The following CFAP99 variants were observed in gnomAD, a reference collection of about 807,000 sequenced individuals.
The protein encoded by CFAP99 is cilia and flagella associated protein 99, also known as cilia- and flagella-associated protein 99.
In CFAP99, 84 loss-of-function variants were observed where a neutral mutation model predicts 82.7. The observed-to-expected ratio is 1.02, with a 90% CI of 0.85 to 1.22. The LOEUF is 1.22. Among genes scored for constraint, CFAP99 ranks in the 50% most tolerant of loss-of-function variants. CFAP99 has a pLI of 0.00. For synonymous variants in CFAP99, 456 were observed against 429.5 expected, an observed-to-expected ratio of 1.06 and a Z score of -0.76; for missense variants, 1,059 against 983.5, an observed-to-expected ratio of 1.08 and a Z score of -1.03.
chr4:2,432,190 C>T (rs949893765), intron 2 of CFAP99, among the ~76,000 whole-genome samples: 11 of 152,188 alleles, frequency 7.2e-5, no homozygotes, highest in Non-Finnish European at 1.3e-4. Context: ...TAAATGGCTG[C>T]CCTACCTCCA....
intron 11 of CFAP99, 128 bp from the exon 12 acceptor site, chr4:2,458,595 T>G: frequency 8.1e-7 from 1 of 1,241,638 alleles, no homozygotes; most frequent in Non-Finnish European, 1.1e-6. Flanking sequence ...AGACCTGGGT[T>G]CTGGGGTGAT....
chr4:2,437,969 G>C, intron 3 of CFAP99, 101 bp from the exon 4 acceptor site: 1 of 664,154 alleles, frequency 1.5e-6, no homozygotes, highest in Non-Finnish European at 2.7e-6. Context: ...TTTTCCTGTG[G>C]CTGCGTGCCC....
In CFAP99 at chr4:2,462,237, C is replaced by A. The variant is rs908498366; in HGVS notation, c.1662-206C>A. ...AGGGTAGATAGAAGTGCTGGAGACT[C>A]CCCCAACCCCTCCAGCCCCTGAGCG... On this transcript the variant is annotated intron_variant, in intron 14 of 14. Transcript: ENST00000635017. The surrounding 1 kb of genome is among the most constrained non-coding windows in gnomAD (Gnocchi z 4.1). 4.3e-5 allele frequency: 19 copies of A among 446,798 alleles called. No homozygotes were observed. The highest frequency in any genetic ancestry group is 7.0e-5 in the Non-Finnish European group (18 of 256,614). The allele number at this position is 446,798 out of a possible 1,614,324, so 27.7% of individuals were successfully genotyped here.
chr4:2,442,146 G>C (rs1734057206), intron 4 of CFAP99, among the ~76,000 whole-genome samples: 2 of 152,190 alleles, frequency 1.3e-5, no homozygotes, highest in Admixed American at 1.3e-4. Flanking sequence ...TGAGTGTGGG[G>C]ATGGGGTTTG....
intron 6 of CFAP99, among the ~76,000 whole-genome samples, chr4:2,449,464 T>G (rs528716842): frequency 3.7e-4 from 45 of 122,292 alleles, no homozygotes; most frequent in Non-Finnish European, 6.2e-4. Flanking sequence ...CCCACGCCAA[T>G]GACCAGCCTG....
chr4:2,439,435 C>T (rs548259874), intron 4 of CFAP99, among the ~76,000 whole-genome samples: 22 of 152,284 alleles, frequency 1.4e-4, no homozygotes, highest in African/African-American at 5.1e-4. Flanking sequence ...AAGCAGCTAG[C>T]TCTTCAGGGG....
At chr4:2,451,166 G>A in intron 9 of CFAP99, 98 bp from the exon 10 acceptor site, 3 of 1,460,426 alleles carry the variant, frequency 2.1e-6, no homozygotes, top group Non-Finnish European at 2.8e-6. Context: ...AAGCACCTGG[G>A]CAGGGGGCAG....
chr4:2,420,413 C>T (rs1733552041), intron 1 of CFAP99, among the ~76,000 whole-genome samples: 1 of 152,160 alleles, frequency 6.6e-6, no homozygotes, highest in African/African-American at 2.4e-5. Flanking sequence ...CAGTCTTCCC[C>T]CATAAAACCT....
chr4:2,438,004 C>T lies in CFAP99; in HGVS notation c.257-66C>T, dbSNP rs545056362. ...CTGACACGGTGGAGGCCTTCGGCTC[C>T]GGTCCCGCCGTGTGCCTGGTGCCCC... On this transcript the variant is annotated intron_variant, in intron 3 of 14. Coordinates refer to ENST00000635017, the Ensembl canonical transcript of CFAP99. The T allele has an allele frequency of 4.7e-5, 46 of 973,020 alleles. 1 individual carries two copies. Among genetic ancestry groups the T allele is most frequent in the South Asian group, 4.5e-4 (32 of 71,518 alleles). The allele number at this position is 973,020 out of a possible 1,614,324, so 60.3% of individuals were successfully genotyped here.
chr4:2,435,298 GAA>G (rs397778115), intron 2 of CFAP99, among the ~76,000 whole-genome samples: 3 of 55,298 alleles, frequency 5.4e-5, no homozygotes, highest in African/African-American at 4.9e-5. Context: ...CTCCATCTCA[GAA>G]AAAAAAAAAA....
At chr4:2,421,525 T>C (rs1733584821) in intron 1 of CFAP99, among the ~76,000 whole-genome samples, 1 of 152,026 alleles carries the variant, frequency 6.6e-6, no homozygotes, top group Non-Finnish European at 1.5e-5. Context: ...GGCTAATTTT[T>C]GTATTTTTAG....
chr4:2,444,206 C>T (rs1734111456), intron 5 of CFAP99, among the ~76,000 whole-genome samples: 1 of 152,164 alleles, frequency 6.6e-6, no homozygotes, highest in Admixed American at 6.5e-5. Context: ...ACCTTGTGCC[C>T]CAGGCTAGAC....
intron 4 of CFAP99, among the ~76,000 whole-genome samples, chr4:2,442,460 C>T (rs902160801): frequency 1.3e-5 from 2 of 152,016 alleles, no homozygotes; most frequent in South Asian, 2.1e-4. Flanking sequence ...GGGAGGGTGG[C>T]CACCCTGGGG....
exon 11 of CFAP99, chr4:2,452,217 C>T (rs1286026654): frequency 1.3e-6 from 2 of 1,536,088 alleles, no homozygotes; most frequent in African/African-American, 1.4e-5. Context: ...AGGCGAAGGA[C>T]CGGGAGGAGC....
intron 1 of CFAP99, among the ~76,000 whole-genome samples, chr4:2,425,218 T>A (rs1040254604): frequency 2.0e-5 from 3 of 152,228 alleles, no homozygotes; most frequent in Admixed American, 2.0e-4. Flanking sequence ...TCCTGCCTTG[T>A]GCATCGTTTT....
In CFAP99 at chr4:2,461,208, C is replaced by T. The variant is rs552182385; in HGVS notation, c.1661+966C>T. On this transcript the variant is annotated intron_variant, in intron 14 of 14. Transcript: ENST00000635017. ...TGTGGCTGGCCCCTGGCAGCCAGGT[C>T]AGACATGGGCAGGCATGTCCCCTGG... Among the ~76,000 whole-genome samples, 4 of 152,258 alleles carry T rather than the reference C, an allele frequency of 2.6e-5. No individual in the cohort carries two copies. The South Asian group carries it at 8.3e-4, about 32-fold the overall frequency.
intron 1 of CFAP99, 64 bp from the exon 2 acceptor site, chr4:2,426,395 C>A: frequency 9.8e-7 from 1 of 1,022,332 alleles, no homozygotes; most frequent in Non-Finnish European, 1.5e-6. Context: ...CCTGTCGCTG[C>A]TGGGGAGGGT....
chr4:2,439,696 AG>A (rs1198102794), intron 4 of CFAP99, among the ~76,000 whole-genome samples: 17 of 152,220 alleles, frequency 1.1e-4, no homozygotes, highest in African/African-American at 3.6e-4. Flanking sequence ...TTAATGAAAA[AG>A]CAGCAAAACT....
In CFAP99 at chr4:2,450,993, A is replaced by G. The variant is rs554312210; in HGVS notation, c.842A>G (p.Lys281Arg). 2.0e-5 allele frequency: 30 copies of G among 1,536,030 alleles called. No individual in the cohort carries two copies. The South Asian group carries it at 3.6e-4, about 18-fold the overall frequency. ...CTTCAGTTCCCACCCCGAATCCGAA[A>G]GACTCCGAAGCTGACCTTCTATAGG... The change falls in exon 9 of 15, where the codon AAG becomes AGG. Residue 281 changes from lysine (K) to arginine (R), a missense_variant. Lys to Arg is a conservative substitution (Grantham distance 26). Coordinates refer to ENST00000635017, the Ensembl canonical transcript of CFAP99.
Sources: gnomAD v4.1 joint callset for allele counts (sites outside exome capture counted in the v4.1 genomes callset) on GRCh38, gnomAD v4.1.1 for gene constraint, Gnocchi (gnomAD v3.1) non-coding constraint, MANE v1.5 for transcripts, NCBI Gene and HGNC (gene_info 2026-07-23, HGNC 2026-07-21) for gene names.